Variants in RELN observed in about 807,000 individuals in gnomAD.
RELN encodes the protein reelin.
In RELN, 108 loss-of-function variants were observed where a neutral mutation model predicts 427.6. The ratio of observed to expected loss-of-function variants is 0.25; its 90% CI spans 0.22 to 0.30. RELN has a LOEUF of 0.30. RELN is among the 10% of genes least tolerant of loss of function. RELN has a pLI of 1.00. For missense variants in RELN, 3,715 were observed against 4,302.8 expected (o/e 0.86, Z 3.82); for synonymous variants, 1,524 against 1,513.4 (o/e 1.01, Z -0.16).
chr7:103,889,688 A>G (rs1794803509), intron 2 of RELN, among the ~76,000 whole-genome samples: 1 of 152,184 alleles, frequency 6.6e-6, no homozygotes, highest in Non-Finnish European at 1.5e-5. Context: ...CACTGAAACT[A>G]CAAAGGGGTT....
In RELN at chr7:103,953,450, G is replaced by A. The variant is rs1796372103; in HGVS notation, c.226+35681C>T. Among the ~76,000 whole-genome samples the A allele has an allele frequency of 6.6e-6, 1 of 152,128 alleles. No homozygotes were observed. The highest frequency in any genetic ancestry group is 2.4e-5 in the African/African-American group (1 of 41,422). On this transcript the variant is annotated intron_variant, in intron 1 of 64. Transcript: ENST00000428762. This position sits in a 1 kb window ranked among gnomAD's most constrained non-coding sequence, Gnocchi z 4.3. Reference sequence around the variant, plus strand: ...TTTCTTTGTAGCTTCATTGAAAGCAGTTCTAATGTGCTCTTGACAAATCAC... The same window carrying A: ...TTTCTTTGTAGCTTCATTGAAAGCAATTCTAATGTGCTCTTGACAAATCAC...
chr7:103,896,289 C>G lies in RELN; in HGVS notation c.337+20786G>C, dbSNP rs182715188. On this transcript the variant is annotated intron_variant, in intron 2 of 64. Transcript: ENST00000428762. ...TGGTAGTTTCTCACAAAACAAAACC[C>G]AGCAACGCCACTCCTAGGTATTTGC... Among the ~76,000 whole-genome samples, 59 of 152,110 alleles carry G rather than the reference C, an allele frequency of 3.9e-4. No individual in the cohort carries two copies. The East Asian group carries it at 0.011, about 29-fold the overall frequency.
chr7:103,521,487 C>T (rs56992010), intron 48 of RELN, among the ~76,000 whole-genome samples: 1 of 151,992 alleles, frequency 6.6e-6, no homozygotes, highest in African/African-American at 2.4e-5. Flanking sequence ...CCTGGACAAC[C>T]TATAAAAATA....
intron 42 of RELN, among the ~76,000 whole-genome samples, chr7:103,544,429 G>A (rs1484207017): frequency 6.6e-6 from 1 of 151,558 alleles, no homozygotes; most frequent in Admixed American, 6.6e-5. Flanking sequence ...GTTTCACCAC[G>A]TTGGCCAGGC....
At chr7:103,542,087 G>A (rs921511660) in intron 43 of RELN, among the ~76,000 whole-genome samples, 9 of 151,836 alleles carry the variant, frequency 5.9e-5, no homozygotes, top group African/African-American at 1.9e-4. Flanking sequence ...TTAAGTTTTC[G>A]GCCCATCAAA....
intron 46 of RELN, among the ~76,000 whole-genome samples, chr7:103,526,211 G>A (rs1005934543): frequency 6.6e-6 from 1 of 152,222 alleles, no homozygotes; most frequent in Non-Finnish European, 1.5e-5. Context: ...AAACTGTATG[G>A]AAGATTTAAG....
chr7:103,720,173 T>TTGTGTG (rs72036005), intron 8 of RELN, among the ~76,000 whole-genome samples: 55 of 145,664 alleles, frequency 3.8e-4, no homozygotes, highest in African/African-American at 1.1e-3. Flanking sequence ...TGTATAAACA[T>TTGTGTG]TGTGTGTGTG....
chr7:103,681,441 A>G (rs913603560), intron 11 of RELN, among the ~76,000 whole-genome samples: 2 of 152,156 alleles, frequency 1.3e-5, no homozygotes, highest in African/African-American at 4.8e-5. Context: ...CAAAACATAA[A>G]TTTACCTCCA....
chr7:103,787,222 A>G (rs1301574846), intron 3 of RELN, among the ~76,000 whole-genome samples: 1 of 152,212 alleles, frequency 6.6e-6, no homozygotes, highest in African/African-American at 2.4e-5. Context: ...AATTCATAGC[A>G]TCAAATGCCC....
rs73712207 is a variant in RELN, at chr7:103,661,440, C to G, written c.1377G>C (p.Arg459Ser). 1.2e-6 allele frequency: 2 copies of G among 1,613,346 alleles called. No individual in the cohort carries two copies. Among genetic ancestry groups the G allele is most frequent in the African/African-American group, 2.7e-5 (2 of 74,872 alleles). ...LSMVFLKDGE[R>S]KLCTPSMDTT... ...TGTCCATGGATGGAGTGCATAATTT[C>G]CTCTCTCCATCTTTGAGGAAGACCA... Residue 459 changes from arginine to serine, a missense_variant, in exon 12 of 65, where the codon AGG (arginine) becomes AGC (serine). Arg to Ser is a moderately radical substitution (Grantham distance 110, BLOSUM62 -1). Around this residue, in one of 4 missense-constraint regions of RELN, gnomAD observed 2,208 missense variants for 2,361.7 expected, o/e 0.93. Coordinates refer to ENST00000428762, the MANE Select transcript of RELN (RefSeq NM_005045.4).
intron 2 of RELN, among the ~76,000 whole-genome samples, chr7:103,904,568 A>G (rs1212296050): frequency 6.6e-6 from 1 of 152,158 alleles, no homozygotes; most frequent in Non-Finnish European, 1.5e-5. Flanking sequence ...TGTATCTATG[A>G]TCTGTGAAGT....
At chr7:103,753,542 C>G (rs1011061391) in intron 4 of RELN, among the ~76,000 whole-genome samples, 5 of 152,168 alleles carry the variant, frequency 3.3e-5, no homozygotes, top group Non-Finnish European at 2.9e-5. Flanking sequence ...AAAAACCTGG[C>G]ACAATGATAT....
intron 4 of RELN, among the ~76,000 whole-genome samples, chr7:103,754,289 A>G (rs1282065367): frequency 1.3e-5 from 2 of 152,078 alleles, no homozygotes; most frequent in African/African-American, 2.4e-5. Flanking sequence ...AATTTCATCT[A>G]TTTCTTTCCA....
At chr7:103,599,886 G>A (rs974985246) in intron 24 of RELN, among the ~76,000 whole-genome samples, 1 of 152,062 alleles carries the variant, frequency 6.6e-6, no homozygotes, top group African/African-American at 2.4e-5. Flanking sequence ...AATGAATTAT[G>A]TATGTATGCA....
intron 2 of RELN, among the ~76,000 whole-genome samples, chr7:103,916,754 C>T (rs865822319): frequency 3.2e-4 from 48 of 152,180 alleles, no homozygotes; most frequent in African/African-American, 1.1e-3. Context: ...TGAATGATTG[C>T]GTGGACATCA....
intron 1 of RELN, among the ~76,000 whole-genome samples, chr7:103,920,986 G>A (rs1312699130): frequency 6.6e-6 from 1 of 152,182 alleles, no homozygotes; most frequent in African/African-American, 2.4e-5. Flanking sequence ...AAGCCAAATA[G>A]TAAAATGTAC....
intron 1 of RELN, among the ~76,000 whole-genome samples, chr7:103,932,932 T>TG (rs1455901730): frequency 2.6e-5 from 4 of 152,168 alleles, no homozygotes; most frequent in Admixed American, 6.5e-5. Context: ...GACAGACACG[T>TG]GCTAGAGCTG....
chr7:103,818,923 A>T (rs1173346275), intron 3 of RELN, among the ~76,000 whole-genome samples: 2 of 151,970 alleles, frequency 1.3e-5, no homozygotes, highest in African/African-American at 2.4e-5. Context: ...ACTTTTTTTT[A>T]AAAAAAGCTA....
At chr7:103,672,775 C>T (rs945443247) in intron 11 of RELN, among the ~76,000 whole-genome samples, 11 of 152,100 alleles carry the variant, frequency 7.2e-5, no homozygotes, top group Admixed American at 3.3e-4. Flanking sequence ...TTGAGCACCA[C>T]TTTGGCCATA....
Sources: allele counts gnomAD v4.1 joint callset (sites outside exome capture counted in the v4.1 genomes callset), GRCh38; gene constraint gnomAD v4.1.1; regional missense constraint gnomAD v4.1.1; non-coding constraint Gnocchi (gnomAD v3.1); transcripts MANE v1.5; gene names NCBI Gene and HGNC (gene_info 2026-07-23, HGNC 2026-07-21).